GRM7: variants seen among roughly 807,000 people sequenced by gnomAD.
GRM7 encodes the protein glutamate metabotropic receptor 7.
Under a neutral mutation model 84.5 loss-of-function variants are expected in GRM7, and 35 were observed. The ratio of observed to expected loss-of-function variants is 0.41; its 90% CI spans 0.32 to 0.55. The LOEUF (loss-of-function observed/expected upper bound fraction) is 0.55, where lower values mean the gene tolerates loss of function less well. GRM7 is among the 20% of genes least tolerant of loss of function. The probability of loss-of-function intolerance (pLI) is 0.19; values close to 1 mark genes in which losing one functional copy is unlikely to be tolerated. For synonymous variants in GRM7, 487 were observed against 455.1 expected (o/e 1.07, Z -0.89); for missense variants, 1,003 against 1,194.6 (o/e 0.84, Z 2.36).
At chr3:6,930,109 T>A (rs1480829869) in intron 1 of GRM7, among the ~76,000 whole-genome samples, 1 of 152,188 alleles carries the variant, frequency 6.6e-6, no homozygotes, top group Non-Finnish European at 1.5e-5. Context: ...AACCCTACTG[T>A]TGACTTAGTT....
chr3:7,608,475 AGTGATATT>A (rs1220872075), intron 8 of GRM7, among the ~76,000 whole-genome samples: 3 of 152,114 alleles, frequency 2.0e-5, no homozygotes, highest in African/African-American at 7.2e-5. Context: ...TCTAATGATC[AGTGATATT>A]GAGCTTTTTT....
chr3:7,141,447 TA>T (rs1477755546), intron 1 of GRM7, among the ~76,000 whole-genome samples: 1 of 151,980 alleles, frequency 6.6e-6, no homozygotes, highest in Non-Finnish European at 1.5e-5. Flanking sequence ...ACCAAATAGA[TA>T]AAAGTAGATA....
chr3:7,473,130 T>G (rs185811689), intron 7 of GRM7, among the ~76,000 whole-genome samples: 9 of 152,200 alleles, frequency 5.9e-5, no homozygotes, highest in African/African-American at 2.2e-4. Flanking sequence ...TACCAAATTT[T>G]CCTATTGATA....
intron 1 of GRM7, among the ~76,000 whole-genome samples, chr3:6,913,703 A>T (rs1696849494): frequency 1.3e-5 from 2 of 152,200 alleles, no homozygotes; most frequent in Non-Finnish European, 2.9e-5. Flanking sequence ...TGTTCTGTTC[A>T]AGTTTTAGAG....
chr3:7,414,485 A>G (rs914974071), intron 4 of GRM7, among the ~76,000 whole-genome samples: 8 of 152,166 alleles, frequency 5.3e-5, no homozygotes, highest in Non-Finnish European at 7.4e-5. Flanking sequence ...ACGAACATTT[A>G]AAGTCACACT....
chr3:7,682,673 T>C (rs2125143460), intron 9 of GRM7, among the ~76,000 whole-genome samples: 1 of 152,234 alleles, frequency 6.6e-6, no homozygotes, highest in Non-Finnish European at 1.5e-5. Flanking sequence ...GTTTAGACAA[T>C]TCAATACTAT....
intron 7 of GRM7, among the ~76,000 whole-genome samples, chr3:7,496,315 A>G (rs1285872385): frequency 1.3e-5 from 2 of 152,220 alleles, no homozygotes; most frequent in Non-Finnish European, 2.9e-5. Context: ...TGGACATGAT[A>G]TGCTGAGAAT....
chr3:7,447,749 T>A (rs1470249053), intron 5 of GRM7, among the ~76,000 whole-genome samples: 1 of 151,750 alleles, frequency 6.6e-6, no homozygotes, highest in Admixed American at 6.6e-5. Flanking sequence ...ATATTTATTT[T>A]ATTTATTTTA....
intron 9 of GRM7, among the ~76,000 whole-genome samples, chr3:7,697,560 A>G (rs1322493217): frequency 6.6e-6 from 1 of 152,236 alleles, no homozygotes; most frequent in Non-Finnish European, 1.5e-5. Flanking sequence ...CTCATGATAG[A>G]AGATTCAGAT....
chr3:7,278,600 T>C (rs1429745265), intron 2 of GRM7, among the ~76,000 whole-genome samples: 4 of 152,200 alleles, frequency 2.6e-5, no homozygotes, highest in Admixed American at 6.5e-5. Flanking sequence ...AAAATCTATA[T>C]TGAGCATCTG....
At chr3:7,435,404 C>T (rs1294668383) in intron 5 of GRM7, among the ~76,000 whole-genome samples, 1 of 152,128 alleles carries the variant, frequency 6.6e-6, no homozygotes, top group Non-Finnish European at 1.5e-5. Context: ...GATCCACCCA[C>T]CGTGGCCTCC....
At chr3:7,180,466 G>T (rs1389461904) in intron 2 of GRM7, among the ~76,000 whole-genome samples, 1 of 152,126 alleles carries the variant, frequency 6.6e-6, no homozygotes, top group Non-Finnish European at 1.5e-5. Flanking sequence ...GACTAGGGTG[G>T]TGCTCAGAAT....
chr3:7,192,920 A>G (rs1320388952), intron 2 of GRM7, among the ~76,000 whole-genome samples: 2 of 152,110 alleles, frequency 1.3e-5, no homozygotes, highest in African/African-American at 4.8e-5. Context: ...AATCCCCTGG[A>G]TCTATCCGAA....
At chr3:7,552,506 G>T (rs1358984472) in intron 7 of GRM7, among the ~76,000 whole-genome samples, 3 of 152,126 alleles carry the variant, frequency 2.0e-5, no homozygotes, top group Admixed American at 2.0e-4. Context: ...CATTCATGAG[G>T]GCTCCACTCC....
chr3:7,532,309 G>C (rs368334540), intron 7 of GRM7, among the ~76,000 whole-genome samples: 1 of 152,094 alleles, frequency 6.6e-6, no homozygotes, highest in African/African-American at 2.4e-5. Flanking sequence ...ACTTGTTATT[G>C]GTCTATTCAG....
At chr3:7,541,845 G>A (rs1692899791) in intron 7 of GRM7, among the ~76,000 whole-genome samples, 1 of 152,106 alleles carries the variant, frequency 6.6e-6, no homozygotes, top group African/African-American at 2.4e-5. Context: ...GCATATACAT[G>A]TATTATTTCA....
At chr3:7,694,189 T>TGTGTC (rs1700929474) in intron 9 of GRM7, among the ~76,000 whole-genome samples, 1 of 152,200 alleles carries the variant, frequency 6.6e-6, no homozygotes, top group South Asian at 2.1e-4. Context: ...ATCATCTCTC[T>TGTGTC]GTGTCTAAAT....
intron 8 of GRM7, among the ~76,000 whole-genome samples, chr3:7,658,979 T>C (rs968357872): frequency 6.6e-5 from 10 of 152,192 alleles, no homozygotes; most frequent in African/African-American, 1.9e-4. Context: ...TCTTTGCATT[T>C]TTCACAAAGA....
At chr3:7,258,432 T>C (rs965551456) in intron 2 of GRM7, among the ~76,000 whole-genome samples, 4 of 152,050 alleles carry the variant, frequency 2.6e-5, no homozygotes, top group African/African-American at 4.8e-5. Context: ...ACATATAGGC[T>C]ACAAGAGAGG....
Sources: gnomAD v4.1 joint callset for allele counts (sites outside exome capture counted in the v4.1 genomes callset) on GRCh38, gnomAD v4.1.1 for gene constraint, MANE v1.5 for transcripts, NCBI Gene and HGNC (gene_info 2026-07-23, HGNC 2026-07-21) for gene names.